Variants in ZYG11B observed in about 807,000 individuals in gnomAD.
The protein encoded by ZYG11B is zyg-11 family member B, cell cycle regulator.
Under a neutral mutation model 82.4 loss-of-function variants are expected in ZYG11B, and 36 were observed. The observed-to-expected ratio is 0.44, with a 90% confidence interval of 0.33 to 0.58. The LOEUF (loss-of-function observed/expected upper bound fraction) is 0.58. Ranked by LOEUF, ZYG11B falls within the 20% of genes least tolerant of loss-of-function variation. The probability of loss-of-function intolerance (pLI) is 0.02; values close to 1 mark genes in which losing one functional copy is unlikely to be tolerated. For missense variants in ZYG11B, 552 were observed against 895.6 expected (o/e 0.62, Z 4.90); for synonymous variants, 303 against 312.8 (o/e 0.97, Z 0.33).
At chr1:52,797,216 TAA>T (rs1279637589) in intron 8 of ZYG11B, among the ~76,000 whole-genome samples, 9 of 81,922 alleles carry the variant, frequency 1.1e-4, no homozygotes, top group Non-Finnish European at 2.1e-5. Flanking sequence ...ATATAATATA[TAA>T]ATATATATTA....
At chr1:52,744,669 C>T (rs567769178) in intron 1 of ZYG11B, among the ~76,000 whole-genome samples, 9 of 152,190 alleles carry the variant, frequency 5.9e-5, no homozygotes, top group African/African-American at 1.9e-4. Flanking sequence ...GGTGAAACCC[C>T]GTCTCTACTA....
intron 2 of ZYG11B, among the ~76,000 whole-genome samples, chr1:52,770,489 C>G (rs764034567): frequency 6.6e-6 from 1 of 152,104 alleles, no homozygotes; most frequent in Non-Finnish European, 1.5e-5. Flanking sequence ...GTTTATACCT[C>G]ACTTGTGGTA....
At position 52,770,096 on chromosome 1, in the gene ZYG11B, T is replaced by A. The variant is rs1235421653; in HGVS notation, c.197-924T>A. ...ACTATATATATATATATATATATTTTTTTTTTTTTTTCAGAGACAGGTTCT... is the reference window on the plus strand; with the variant it reads ...ACTATATATATATATATATATATTTATTTTTTTTTTTCAGAGACAGGTTCT... On this transcript the variant is annotated intron_variant, in intron 2 of 13. Transcript: ENST00000294353. Among the ~76,000 whole-genome samples the A allele has an allele frequency of 5.6e-4, 77 of 138,326 alleles. 1 individual carries two copies. Among genetic ancestry groups the A allele is most frequent in the Middle Eastern group, 3.9e-3 (1 of 258 alleles). The allele number at this position is 138,326 out of a possible 152,430, so 90.7% of individuals were successfully genotyped here.
At position 52,825,697 on chromosome 1, in the gene ZYG11B, C is replaced by T. The variant is rs909161059; in HGVS notation, c.*4068C>T. On this transcript the variant is annotated 3_prime_UTR_variant, in exon 14 of 14. Coordinates refer to ENST00000294353, the MANE Select transcript of ZYG11B (RefSeq NM_024646.3). ...AAAGCGAGAGAGAGAGATGGTGTCT[C>T]ACTGTGTTGCCCAGGCTGGTCTCGA... 9 of 149,108 alleles carry T rather than the reference C, an allele frequency of 6.0e-5. No individual in the cohort carries two copies. The highest frequency in any genetic ancestry group is 2.2e-4 in the African/African-American group (9 of 40,626). 9.2% of individuals were successfully genotyped at this position (149,108 alleles called of 1,614,324 possible). A position where few individuals can be genotyped will look rare whatever the true frequency, so the allele number is the denominator to read the frequency against.
intron 4 of ZYG11B, among the ~76,000 whole-genome samples, chr1:52,782,985 G>T (rs1644869359): frequency 6.7e-6 from 1 of 149,164 alleles, no homozygotes; most frequent in Non-Finnish European, 1.5e-5. Context: ...GGTGTGCAGT[G>T]GTGCTATCTC....
chr1:52,730,640 A>C (rs975390518), intron 1 of ZYG11B, among the ~76,000 whole-genome samples: 3 of 152,080 alleles, frequency 2.0e-5, no homozygotes, highest in African/African-American at 4.8e-5. Flanking sequence ...TCATACAGTA[A>C]TTTTAAATGT....
At chr1:52,783,614 T>C (rs560257985) in intron 4 of ZYG11B, among the ~76,000 whole-genome samples, 128 of 149,296 alleles carry the variant, frequency 8.6e-4, no homozygotes, top group South Asian at 8.4e-3. Context: ...TTCTTTCTTT[T>C]TTTTTTTTTT....
intron 10 of ZYG11B, 135 bp from the exon 11 acceptor site, chr1:52,813,401 T>A (rs962483733): frequency 3.0e-6 from 2 of 676,468 alleles, no homozygotes; most frequent in African/African-American, 3.6e-5. Flanking sequence ...CTGCCCTCAT[T>A]TGAATACTTT....
Position 52,826,944 on chromosome 1 carries a change from G to A in ZYG11B, c.*5315G>A, listed in dbSNP as rs1645330211. On this transcript the variant is annotated 3_prime_UTR_variant, in exon 14 of 14. Transcript: ENST00000294353. ...AAGCTGAGACACTTTATTAAAAGCA[G>A]GATCTTAAGAGCATTGTTTTTCCTT... The A allele has an allele frequency of 6.6e-6, 1 of 152,136 alleles. No individual in the cohort carries two copies. The allele number at this position is 152,136 out of a possible 1,614,324, so 9.4% of individuals were successfully genotyped here.
At position 52,822,106 on chromosome 1, in the gene ZYG11B, A is replaced by G. The variant is rs1375831986; in HGVS notation, c.*477A>G. The G allele has an allele frequency of 6.6e-6, 1 of 152,378 alleles. No individual in the cohort carries two copies. Among genetic ancestry groups the G allele is most frequent in the Non-Finnish European group, 1.5e-5 (1 of 68,176 alleles). The allele number at this position is 152,378 out of a possible 1,614,324, so 9.4% of individuals were successfully genotyped here. A position where few individuals can be genotyped will look rare whatever the true frequency, so the allele number is the denominator to read the frequency against. On this transcript the variant is annotated 3_prime_UTR_variant, in exon 14 of 14. Transcript: ENST00000294353. ...TTATAAGATGTCCTTCTTAGTGTGA[A>G]AGAAGGGAAATGTGGATCATCTTGT...
At chr1:52,768,749 A>G (rs1373574912) in intron 2 of ZYG11B, among the ~76,000 whole-genome samples, 2 of 151,868 alleles carry the variant, frequency 1.3e-5, no homozygotes, top group East Asian at 1.9e-4. Context: ...GCGCACCACC[A>G]CACCCATTTA....
chr1:52,782,265 G>GT (rs1558132064), intron 4 of ZYG11B, among the ~76,000 whole-genome samples: 1 of 151,426 alleles, frequency 6.6e-6, no homozygotes, highest in Non-Finnish European at 1.5e-5. Context: ...ATTATTATTG[G>GT]TTTTTTTGTA....
intron 10 of ZYG11B, among the ~76,000 whole-genome samples, chr1:52,808,125 G>C (rs961375251): frequency 6.6e-6 from 1 of 152,168 alleles, no homozygotes; most frequent in Non-Finnish European, 1.5e-5. Context: ...CACTTTGGGA[G>C]GCCAAGGCGG....
At chr1:52,817,760 AGT>A (rs1645237792) in intron 13 of ZYG11B, among the ~76,000 whole-genome samples, 1 of 108,984 alleles carries the variant, frequency 9.2e-6, no homozygotes, top group African/African-American at 3.2e-5. Flanking sequence ...TTAATAGTAA[AGT>A]GTGTATATAT....
At chr1:52,796,547 C>CA (rs1285256607) in intron 7 of ZYG11B, among the ~76,000 whole-genome samples, 156 bp downstream of exon 7, 2 of 151,976 alleles carry the variant, frequency 1.3e-5, no homozygotes, top group Admixed American at 1.3e-4. Context: ...TGGCTGGGCA[C>CA]AGTGATTCAC....
At chr1:52,790,990 G>A (rs936335641) in intron 6 of ZYG11B, among the ~76,000 whole-genome samples, 2 of 148,112 alleles carry the variant, frequency 1.4e-5, no homozygotes, top group African/African-American at 5.0e-5. Flanking sequence ...TCTTTTTTTT[G>A]AGAAAGGGTC....
At position 52,756,492 on chromosome 1, in the gene ZYG11B, G is replaced by T; in HGVS notation, c.65G>T (p.Cys22Phe). ...TCTCCCTATTCCTTACTTGATATCT[G>T]CTTGAATTTCTTGACTACTCACCTT... is the stretch of plus-strand genomic sequence containing the variant. ...EASPYSLLDI[C>F]LNFLTTHLEK... Residue 22 changes from cysteine to phenylalanine, a missense_variant, in exon 2 of 14, where the codon TGC becomes TTC. Physicochemically the swap from Cys to Phe is radical, Grantham distance 205 (BLOSUM62 -2). This residue lies in a region of ZYG11B where 359 missense variants were observed against 555.8 expected (regional missense o/e 0.65). Coordinates refer to ENST00000294353, the MANE Select transcript of ZYG11B (RefSeq NM_024646.3). 6.2e-7 allele frequency: 1 copy of T among 1,614,014 alleles called. No individual in the cohort carries two copies.
chr1:52,823,846 C>G lies in ZYG11B; in HGVS notation c.*2217C>G, dbSNP rs1351318668. 2.6e-5 allele frequency: 4 copies of G among 152,134 alleles called. No homozygotes were observed. Among genetic ancestry groups the G allele is most frequent in the African/African-American group, 9.7e-5 (4 of 41,438 alleles). The allele number at this position is 152,134 out of a possible 1,614,324, so 9.4% of individuals were successfully genotyped here. On this transcript the variant is annotated 3_prime_UTR_variant, in exon 14 of 14. Coordinates refer to ENST00000294353, the MANE Select transcript of ZYG11B (RefSeq NM_024646.3). ...TTGAAGCATCCAAAATATGTAAAAG[C>G]AAGGGTGGGCGTAGTGGCTCTTGCC...
intron 3 of ZYG11B, among the ~76,000 whole-genome samples, chr1:52,776,945 C>A (rs531230238): frequency 8.5e-5 from 13 of 152,254 alleles, no homozygotes; most frequent in African/African-American, 3.1e-4. Flanking sequence ...AGTGGTGGCT[C>A]ATGCCTGTAA....
Sources: gnomAD v4.1 joint callset for allele counts (sites outside exome capture counted in the v4.1 genomes callset) on GRCh38, gnomAD v4.1.1 for gene constraint, gnomAD v4.1.1 regional missense constraint, MANE v1.5 for transcripts, NCBI Gene and HGNC (gene_info 2026-07-23, HGNC 2026-07-21) for gene names.